Variants in CACNA1I observed in about 807,000 individuals in gnomAD.
CACNA1I encodes the protein calcium voltage-gated channel subunit alpha1 I.
In CACNA1I, 74 loss-of-function variants were observed where a neutral mutation model predicts 201.6. The ratio of observed to expected loss-of-function variants is 0.37; its 90% CI spans 0.30 to 0.45. The LOEUF (loss-of-function observed/expected upper bound fraction) is 0.45. Ranked by LOEUF, CACNA1I falls within the 20% of genes least tolerant of loss-of-function variation. The pLI is 1.00. For synonymous variants in CACNA1I, 1,431 were observed against 1,345.2 expected (o/e 1.06, Z -1.40); for missense variants, 2,346 against 3,138.1 (o/e 0.75, Z 6.03).
chr22:39,600,097 GTC>G (rs1932991784), intron 2 of CACNA1I, among the ~76,000 whole-genome samples: 1 of 152,148 alleles, frequency 6.6e-6, no homozygotes, highest in African/African-American at 2.4e-5. Flanking sequence ...ACCTCTCTGA[GTC>G]TCTGTTTCCT....
In CACNA1I at chr22:39,634,786, C is replaced by A. The variant is rs1050178150; in HGVS notation, c.740+62C>A. The A allele has an allele frequency of 3.0e-5, 46 of 1,520,086 alleles. 1 individual carries two copies. Among genetic ancestry groups the A allele is most frequent in the Admixed American group, 3.5e-5 (2 of 56,510 alleles). 94.2% of individuals were successfully genotyped at this position (1,520,086 alleles called of 1,614,324 possible). On this transcript the variant is annotated intron_variant, in intron 5 of 36. Coordinates refer to ENST00000402142, the MANE Select transcript of CACNA1I (RefSeq NM_021096.4). ...ACTCTTACTAAGACACAGTTTTAACCTTCTGGGTCATTGGGAATCAGGACC... is the reference window on the plus strand; with the variant it reads ...ACTCTTACTAAGACACAGTTTTAACATTCTGGGTCATTGGGAATCAGGACC...
chr22:39,579,257 C>T (rs1428809915), intron 1 of CACNA1I, among the ~76,000 whole-genome samples: 1 of 152,234 alleles, frequency 6.6e-6, no homozygotes, highest in Non-Finnish European at 1.5e-5. Flanking sequence ...GGGTACAGGG[C>T]AGCGAGTGCC....
rs559948703 is a variant in CACNA1I at position 39,578,320 on chromosome 22, G to A, written c.236+7332G>A. On this transcript the variant is annotated intron_variant, in intron 1 of 36. Transcript: ENST00000402142. Reference sequence around the variant, plus strand: ...TCAGGCCTCTGGATAAAGGCCTCTGGGACTCTCTGGGAGCTCTGAACTATT... The same window carrying A: ...TCAGGCCTCTGGATAAAGGCCTCTGAGACTCTCTGGGAGCTCTGAACTATT... Among the ~76,000 whole-genome samples the A allele has an allele frequency of 2.6e-5, 4 of 152,192 alleles. No individual in the cohort carries two copies. The South Asian group carries it at 6.2e-4, about 24-fold the overall frequency.
intron 4 of CACNA1I, among the ~76,000 whole-genome samples, chr22:39,619,872 T>A (rs1193639442): frequency 3.3e-5 from 5 of 152,096 alleles, no homozygotes; most frequent in Admixed American, 3.3e-4. Flanking sequence ...CAGATCGATG[T>A]ACCTACTCAC....
Position 39,661,166 on chromosome 22 carries a change from A to C in CACNA1I, c.2757A>C (p.Pro919=), listed in dbSNP as rs889478670. Residue 919 remains proline (P), a synonymous_variant, in exon 16 of 37, where the codon CCA becomes CCC. Transcript: ENST00000402142. ...TPNGHLDPSL[P]LGGHLGPAGA... ...ATGGGCACCTGGACCCCAGTCTCCCACTGGGTGGGCACCTAGGTCCTGCTG... is the reference window on the plus strand; with the variant it reads ...ATGGGCACCTGGACCCCAGTCTCCCCCTGGGTGGGCACCTAGGTCCTGCTG... The C allele has an allele frequency of 1.9e-6, 3 of 1,613,068 alleles. No individual in the cohort carries two copies. Among genetic ancestry groups the C allele is most frequent in the Non-Finnish European group, 1.7e-6 (2 of 1,179,726 alleles).
Position 39,658,287 on chromosome 22 carries a change from A to G in CACNA1I, c.2128A>G (p.Ile710Val), listed in dbSNP as rs562018921. 1 of 1,613,900 alleles carries G rather than the reference A, an allele frequency of 6.2e-7. No homozygotes were observed. Among genetic ancestry groups the G allele is most frequent in the South Asian group, 1.1e-5 (1 of 91,062 alleles). Residue 710 changes from isoleucine (I) to valine (V), a missense_variant, in exon 11 of 37, where the codon ATC becomes GTC. Around this residue, in one of 13 missense-constraint regions of CACNA1I, gnomAD observed 155 missense variants for 300.8 expected, o/e 0.52. Coordinates refer to ENST00000402142, the MANE Select transcript of CACNA1I (RefSeq NM_021096.4). ...LRNPYNIFDS[I>V]IVIISIWEIV... ...TAACCCCTACAACATCTTCGACAGC[A>G]TCATTGTCATCATCAGGTACCCCTC...
intron 28 of CACNA1I, 27 bp from the exon 29 acceptor site, chr22:39,673,936 G>T (rs772860840): frequency 1.2e-6 from 2 of 1,610,096 alleles, no homozygotes; most frequent in Non-Finnish European, 1.7e-6. Context: ...CTGGGGCTGA[G>T]TGGGCAGGGC....
rs72041195 is a variant in CACNA1I at position 39,686,627 on chromosome 22, C to CATATATATATATATATATATAT, written c.*227_*248dup. 219 of 126,992 alleles carry CATATATATATATATATATATAT rather than the reference C, an allele frequency of 1.7e-3. No homozygotes were observed. The highest frequency in any genetic ancestry group is 4.3e-3 in the Admixed American group (52 of 12,136). 7.9% of individuals were successfully genotyped at this position (126,992 alleles called of 1,614,324 possible). On this transcript the variant is annotated 3_prime_UTR_variant, in exon 37 of 37. Transcript: ENST00000402142. ...ATACATACATATATATATATATATG[C>CATATATATATATATATATATAT]ATATATATATATATATATATATATA...
rs748150494 is a variant in CACNA1I, at chr22:39,659,672, A to T, written c.2449-25A>T. 6.2e-7 allele frequency: 1 copy of T among 1,613,490 alleles called. No homozygotes were observed. The highest frequency in any genetic ancestry group is 2.2e-5 in the East Asian group (1 of 44,872). On this transcript the variant is annotated intron_variant, in intron 13 of 36. Transcript: ENST00000402142. This position sits in a 1 kb window ranked among gnomAD's most constrained non-coding sequence, Gnocchi z 4.3. ...CCTAGCCCTGGACTAGGGGTACCCC[A>T]GGGCTAACTGTGTCTCCCCAACAGA...
At chr22:39,586,235 A>T (rs1282496118) in intron 1 of CACNA1I, among the ~76,000 whole-genome samples, 1 of 152,132 alleles carries the variant, frequency 6.6e-6, no homozygotes, top group African/African-American at 2.4e-5. Context: ...TATGCTTGTA[A>T]TTCCAGCACT....
chr22:39,679,468 T>G (rs7288746), intron 32 of CACNA1I, 23 bp downstream of exon 32: 1 of 1,399,972 alleles, frequency 7.1e-7, no homozygotes, highest in Non-Finnish European at 9.3e-7. Flanking sequence ...TGGAGAGGTG[T>G]GAGGGTCGCC....
chr22:39,632,235 C>G (rs778984105), intron 4 of CACNA1I, among the ~76,000 whole-genome samples: 1 of 152,208 alleles, frequency 6.6e-6, no homozygotes, highest in Non-Finnish European at 1.5e-5. Context: ...TCTTCTCCAG[C>G]TGCTACCGGC....
At chr22:39,651,163 G>A (rs541914257) in intron 10 of CACNA1I, among the ~76,000 whole-genome samples, 3 of 150,962 alleles carry the variant, frequency 2.0e-5, no homozygotes, top group African/African-American at 5.0e-5. Context: ...TCACTGGCCC[G>A]AGGTCCCGCC....
intron 1 of CACNA1I, among the ~76,000 whole-genome samples, chr22:39,596,923 G>A (rs1319813871): frequency 6.6e-6 from 1 of 152,166 alleles, no homozygotes; most frequent in African/African-American, 2.4e-5. Context: ...CTGACACTCA[G>A]TTTCTGGGGG....
At chr22:39,589,399 T>A (rs1005942534) in intron 1 of CACNA1I, among the ~76,000 whole-genome samples, 1 of 152,186 alleles carries the variant, frequency 6.6e-6, no homozygotes, top group African/African-American at 2.4e-5. Flanking sequence ...TCCAGAGTGG[T>A]TGCTGCCTGT....
intron 18 of CACNA1I, 72 bp from the exon 19 acceptor site, chr22:39,663,646 G>A (rs1386873626): frequency 6.3e-7 from 1 of 1,587,176 alleles, no homozygotes; most frequent in African/African-American, 1.3e-5. Flanking sequence ...CTGCTGCCTG[G>A]GCCCTCTGCC....
intron 4 of CACNA1I, among the ~76,000 whole-genome samples, chr22:39,627,810 C>T (rs1933941384): frequency 6.6e-6 from 1 of 152,166 alleles, no homozygotes; most frequent in South Asian, 2.1e-4. Context: ...ACAAGGGGCT[C>T]CCACTTCATC....
intron 3 of CACNA1I, among the ~76,000 whole-genome samples, chr22:39,606,919 T>C (rs1933237465): frequency 6.6e-6 from 1 of 152,288 alleles, no homozygotes; most frequent in Admixed American, 6.5e-5. Context: ...ACATTCTTGC[T>C]GAACTTGAGA....
In CACNA1I at chr22:39,662,126, C is replaced by T. The variant is rs913511160; in HGVS notation, c.3063C>T (p.Ala1021=). The T allele has an allele frequency of 1.3e-5, 20 of 1,526,798 alleles. No homozygotes were observed. The East Asian group carries it at 4.4e-4, about 34-fold the overall frequency. 94.6% of individuals were successfully genotyped at this position (1,526,798 alleles called of 1,614,324 possible). A position where few individuals can be genotyped will look rare whatever the true frequency, so the allele number is the denominator to read the frequency against. ...GCGGCGCCCGGGTCTGCGAGGTTGC[C>T]GCGGACGAGGGGCCGCCGCGGGCCG... ...RGGGARVCEV[A]ADEGPPRAAP... is the part of the protein sequence containing the mutation. The change falls in exon 17 of 37, where the codon GCC becomes GCT. Residue 1021 remains alanine (A), a synonymous_variant. Coordinates refer to ENST00000402142, the MANE Select transcript of CACNA1I (RefSeq NM_021096.4).
Sources: gnomAD v4.1 joint callset for allele counts (sites outside exome capture counted in the v4.1 genomes callset) on GRCh38, gnomAD v4.1.1 for gene constraint, gnomAD v4.1.1 regional missense constraint, Gnocchi (gnomAD v3.1) non-coding constraint, MANE v1.5 for transcripts, NCBI Gene and HGNC (gene_info 2026-07-23, HGNC 2026-07-21) for gene names.